GALNT18: variants seen among roughly 807,000 people sequenced by gnomAD.
GALNT18 encodes polypeptide N-acetylgalactosaminyltransferase 18, also known as GalNAc-transferase 18.
GALNT18 carries 44 observed loss-of-function variants against 69.5 expected under a neutral mutation model. The observed-to-expected ratio is 0.63, with a 90% CI of 0.50 to 0.81. The LOEUF (loss-of-function observed/expected upper bound fraction) is 0.81. Ranked by LOEUF, GALNT18 falls within the 40% of genes least tolerant of loss-of-function variation. The pLI, the probability that GALNT18 is intolerant of heterozygous loss-of-function variation, is 0.00. For missense variants in GALNT18, 715 were observed against 810.0 expected (o/e 0.88, Z 1.42); for synonymous variants, 364 against 318.2 (o/e 1.14, Z -1.53).
intron 3 of GALNT18, among the ~76,000 whole-genome samples, chr11:11,391,423 C>A (rs1314893560): frequency 2.6e-5 from 4 of 152,252 alleles, no homozygotes; most frequent in Non-Finnish European, 5.9e-5. Flanking sequence ...AAGTTCAGCA[C>A]TTTGGCTCCA....
chr11:11,615,824 A>C (rs919395981), intron 1 of GALNT18, among the ~76,000 whole-genome samples: 1 of 152,210 alleles, frequency 6.6e-6, no homozygotes, highest in African/African-American at 2.4e-5. Context: ...CCCCAGATCA[A>C]ACCTTCTACA....
At position 11,555,463 on chromosome 11, in the gene GALNT18, C is replaced by G. The variant is rs1858311234; in HGVS notation, c.235+65896G>C. ...GCCAGCAGGCGTGCAGCTTAAAACA[C>G]AGGTCTGGCGTGAGTCTCCTGTGAC... On this transcript the variant is annotated intron_variant, in intron 1 of 10. Transcript: ENST00000227756. The surrounding 1 kb of genome is among the most constrained non-coding windows in gnomAD (Gnocchi z 4.7). Among the ~76,000 whole-genome samples the G allele has an allele frequency of 6.6e-6, 1 of 152,238 alleles. No individual in the cohort carries two copies. Among genetic ancestry groups the G allele is most frequent in the Admixed American group, 6.5e-5 (1 of 15,286 alleles).
intron 3 of GALNT18, among the ~76,000 whole-genome samples, chr11:11,388,485 CTCAAAT>C (rs1202337549): frequency 3.9e-5 from 6 of 152,336 alleles, no homozygotes; most frequent in African/African-American, 1.4e-4. Flanking sequence ...TCCTCTCTCT[CTCAAAT>C]TAAGACAAAA....
intron 1 of GALNT18, among the ~76,000 whole-genome samples, chr11:11,478,925 CGCGG>C (rs1856462220): frequency 1.4e-4 from 1 of 7,334 alleles, no homozygotes; most frequent in African/African-American, 2.1e-4. Flanking sequence ...CGGCATCTCC[CGCGG>C]AGGTGGCATC....
chr11:11,323,268 T>C (rs944258025), intron 9 of GALNT18, among the ~76,000 whole-genome samples: 3 of 152,220 alleles, frequency 2.0e-5, no homozygotes, highest in African/African-American at 7.2e-5. Context: ...CAAGTACAAT[T>C]CATCCCAAGG....
chr11:11,486,816 C>A (rs371644262), intron 1 of GALNT18, among the ~76,000 whole-genome samples: 1 of 152,330 alleles, frequency 6.6e-6, no homozygotes, highest in South Asian at 2.1e-4. Flanking sequence ...GCTCCTCCCC[C>A]AGCACAGCCA....
rs549195714 is a variant in GALNT18 at position 11,581,644 on chromosome 11, G to A, written c.235+39715C>T. ...GCAGCTTGTTATTAATTCAACAGGG[G>A]CTGCCGAGTGGGCACTTTATCCCGC... is the stretch of plus-strand genomic sequence containing the variant. On this transcript the variant is annotated intron_variant, in intron 1 of 10. Transcript: ENST00000227756. Among the ~76,000 whole-genome samples the A allele has an allele frequency of 2.2e-4, 34 of 152,200 alleles. No individual in the cohort carries two copies. In the South Asian group the frequency reaches 6.9e-3, roughly 31 times the overall value.
chr11:11,512,274 G>C lies in GALNT18; in HGVS notation c.236-63338C>G, dbSNP rs1193278112. 3.3e-5 allele frequency among the ~76,000 whole-genome samples: 5 copies of C among 152,202 alleles called. No individual in the cohort carries two copies. In the East Asian group the frequency reaches 9.6e-4, roughly 29 times the overall value. ...CATGTGACCTCACACACAGTGTGGAGAGCAGTCTGTCTCATGATGGCCTGG... is the reference window on the plus strand; with the variant it reads ...CATGTGACCTCACACACAGTGTGGACAGCAGTCTGTCTCATGATGGCCTGG... On this transcript the variant is annotated intron_variant, in intron 1 of 10. Transcript: ENST00000227756.
rs555380948 is a variant in GALNT18 at position 11,293,060 on chromosome 11, T to C, written c.1646A>G (p.Lys549Arg). ...RLIECSYAKAKRMKLHWQFSQ... is the reference protein window; with the variant it reads ...RLIECSYAKARRMKLHWQFSQ... ...GAACTGCCAGTGAAGCTTCATCCTC[T>C]TGGCTTTGGCGTAGCTGCATTCGAT... The change falls in exon 10 of 11, where the codon AAG (lysine) becomes AGG (arginine). Residue 549 changes from lysine to arginine, a missense_variant. By Grantham distance (26) the Lys-to-Arg change is conservative (BLOSUM62 2). Coordinates refer to ENST00000227756, the MANE Select transcript of GALNT18 (RefSeq NM_198516.3). 9 of 1,389,486 alleles carry C rather than the reference T, an allele frequency of 6.5e-6. No homozygotes were observed. The South Asian group carries it at 1.7e-4, about 27-fold the overall frequency. 86.1% of individuals were successfully genotyped at this position (1,389,486 alleles called of 1,614,324 possible).
chr11:11,427,510 T>C (rs1422585839), intron 3 of GALNT18, among the ~76,000 whole-genome samples: 1 of 152,078 alleles, frequency 6.6e-6, no homozygotes, highest in East Asian at 1.9e-4. Flanking sequence ...GGCTGAGTAA[T>C]TTAGAGTTTT....
In GALNT18 at chr11:11,497,045, A is replaced by G. The variant is rs576896801; in HGVS notation, c.236-48109T>C. The stretch of plus-strand genomic sequence containing the variant: ...CTCTTGCTCACTCTGCTAGAGCCAC[A>G]TGGGCCTTCCTGCTTCCAGGCTCAT... On this transcript the variant is annotated intron_variant, in intron 1 of 10. Coordinates refer to ENST00000227756, the MANE Select transcript of GALNT18 (RefSeq NM_198516.3). This position sits in a 1 kb window ranked among gnomAD's most constrained non-coding sequence, Gnocchi z 4.2. Among the ~76,000 whole-genome samples, 1 of 152,176 alleles carries G rather than the reference A, an allele frequency of 6.6e-6. No individual in the cohort carries two copies. The highest frequency in any genetic ancestry group is 1.5e-5 in the Non-Finnish European group (1 of 67,988).
rs1379393272 is a variant in GALNT18, at chr11:11,602,680, T to C, written c.235+18679A>G. ...GTTGTTTAATAATTTTTACCAGTTA[T>C]GTTGTTTCACTGGGCAAAGGACCCA... On this transcript the variant is annotated intron_variant, in intron 1 of 10. Transcript: ENST00000227756. This position sits in a 1 kb window ranked among gnomAD's most constrained non-coding sequence, Gnocchi z 4.7. 2.0e-5 allele frequency among the ~76,000 whole-genome samples: 3 copies of C among 152,200 alleles called. No individual in the cohort carries two copies. Among genetic ancestry groups the C allele is most frequent in the African/African-American group, 7.2e-5 (3 of 41,440 alleles).
chr11:11,432,395 C>T lies in GALNT18; in HGVS notation c.595+226G>A, dbSNP rs910461949. Among the ~76,000 whole-genome samples, 11 of 152,184 alleles carry T rather than the reference C, an allele frequency of 7.2e-5. No individual in the cohort carries two copies. The highest frequency in any genetic ancestry group is 1.3e-4 in the Non-Finnish European group (9 of 68,032). On this transcript the variant is annotated intron_variant, in intron 3 of 10. Coordinates refer to ENST00000227756, the MANE Select transcript of GALNT18 (RefSeq NM_198516.3). The surrounding 1 kb of genome is among the most constrained non-coding windows in gnomAD (Gnocchi z 5.8). The stretch of plus-strand genomic sequence containing the variant: ...ACTGGAATATGGGAGGGGAGAGTAG[C>T]CAGCCAGGAGAAAAAGCCTAAGGAC...
intron 10 of GALNT18, among the ~76,000 whole-genome samples, chr11:11,271,572 T>A (rs979908749): frequency 2.0e-5 from 2 of 100,194 alleles, no homozygotes; most frequent in Non-Finnish European, 4.5e-5. Flanking sequence ...TGGGCTGTGG[T>A]ACACCTGTTT....
chr11:11,294,490 C>T (rs542378989), intron 9 of GALNT18, among the ~76,000 whole-genome samples: 2 of 152,154 alleles, frequency 1.3e-5, no homozygotes, highest in African/African-American at 4.8e-5. Context: ...AGATGCCAAC[C>T]TCATAAGCAA....
intron 10 of GALNT18, among the ~76,000 whole-genome samples, chr11:11,275,746 C>T (rs1329371722): frequency 1.3e-5 from 2 of 152,226 alleles, no homozygotes; most frequent in African/African-American, 4.8e-5. Context: ...CAGTTTTCTG[C>T]ATATGGCTAG....
chr11:11,436,300 T>A lies in GALNT18; in HGVS notation c.429-3513A>T, dbSNP rs564978510. Among the ~76,000 whole-genome samples the A allele has an allele frequency of 5.9e-5, 9 of 152,284 alleles. No homozygotes were observed. In the East Asian group the frequency reaches 1.5e-3, roughly 26 times the overall value. On this transcript the variant is annotated intron_variant, in intron 2 of 10. Coordinates refer to ENST00000227756, the MANE Select transcript of GALNT18 (RefSeq NM_198516.3). This position sits in a 1 kb window ranked among gnomAD's most constrained non-coding sequence, Gnocchi z 4.5. Reference sequence around the variant, plus strand: ...CTCAGATGGCTTCTCTCCACAAGATTGAGGCTCTTCTATCTTACGTTTTCC... The same window carrying A: ...CTCAGATGGCTTCTCTCCACAAGATAGAGGCTCTTCTATCTTACGTTTTCC...
At chr11:11,437,058 CGCCCAGA>C (rs1855418374) in intron 2 of GALNT18, among the ~76,000 whole-genome samples, 1 of 152,184 alleles carries the variant, frequency 6.6e-6, no homozygotes, top group African/African-American at 2.4e-5. Context: ...CCTGCCTACT[CGCCCAGA>C]GCCTCCCTCC....
chr11:11,306,082 T>C (rs941882133), intron 9 of GALNT18, among the ~76,000 whole-genome samples: 2 of 152,224 alleles, frequency 1.3e-5, no homozygotes, highest in African/African-American at 4.8e-5. Context: ...GTCTATGCCA[T>C]GTCTAGACCT....
Sources: allele counts gnomAD v4.1 joint callset (sites outside exome capture counted in the v4.1 genomes callset), GRCh38; gene constraint gnomAD v4.1.1; non-coding constraint Gnocchi (gnomAD v3.1); transcripts MANE v1.5; gene names NCBI Gene and HGNC (gene_info 2026-07-23, HGNC 2026-07-21).